CAMKMT: variants seen among roughly 807,000 people sequenced by gnomAD.
The protein encoded by CAMKMT is CaM KMT.
A neutral mutation model predicts 48.0 loss-of-function variants in CAMKMT; 53 were observed. The observed-to-expected ratio is 1.10, with a 90% CI of 0.89 to 1.39. The LOEUF is 1.39. Among genes scored for constraint, CAMKMT ranks in the 40% most tolerant of loss-of-function variants. The pLI, the probability that CAMKMT is intolerant of heterozygous loss-of-function variation, is 0.00. For synonymous variants in CAMKMT, 165 were observed against 152.3 expected (o/e 1.08, Z -0.61); for missense variants, 428 against 402.7 (o/e 1.06, Z -0.54).
intron 3 of CAMKMT, among the ~76,000 whole-genome samples, chr2:44,391,585 T>C (rs1205416231): frequency 6.6e-6 from 1 of 152,150 alleles, no homozygotes; most frequent in East Asian, 1.9e-4. Context: ...CTTAAACATA[T>C]GTAATTTCAG....
At chr2:44,372,029 C>T (rs1679229306) in intron 1 of CAMKMT, among the ~76,000 whole-genome samples, 1 of 152,158 alleles carries the variant, frequency 6.6e-6, no homozygotes, top group African/African-American at 2.4e-5. Context: ...CCTCCCCATT[C>T]CTAGGTAAGC....
intron 3 of CAMKMT, among the ~76,000 whole-genome samples, chr2:44,399,625 GAA>G (rs376930888): frequency 7.2e-6 from 1 of 138,906 alleles, no homozygotes; most frequent in African/African-American, 2.6e-5. Context: ...AAATAATCAA[GAA>G]AAAAAAAAAG....
intron 3 of CAMKMT, among the ~76,000 whole-genome samples, chr2:44,665,414 C>G (rs1198945978): frequency 6.6e-6 from 1 of 152,106 alleles, no homozygotes; most frequent in Non-Finnish European, 1.5e-5. Context: ...GACCTCAGGC[C>G]AGAGTATACT....
intron 3 of CAMKMT, among the ~76,000 whole-genome samples, chr2:44,591,291 A>G (rs1476417818): frequency 6.6e-6 from 1 of 152,156 alleles, no homozygotes; most frequent in East Asian, 1.9e-4. Context: ...TTCTGTGAAG[A>G]AAGTCATTGG....
At chr2:44,588,909 C>T (rs1213519178) in intron 3 of CAMKMT, among the ~76,000 whole-genome samples, 2 of 8,742 alleles carry the variant, frequency 2.3e-4, no homozygotes, top group African/African-American at 1.1e-3. Context: ...CCGCCCCGTC[C>T]GGGAGGGAGG....
chr2:44,529,046 A>G (rs1456837550), intron 3 of CAMKMT, among the ~76,000 whole-genome samples: 1 of 152,178 alleles, frequency 6.6e-6, no homozygotes. Context: ...CTATTTCTAT[A>G]AAGAGAAACT....
chr2:44,666,540 C>T (rs952761942), intron 3 of CAMKMT, among the ~76,000 whole-genome samples: 3 of 151,982 alleles, frequency 2.0e-5, no homozygotes, highest in Non-Finnish European at 4.4e-5. Context: ...GAGAAGCCAC[C>T]ACGTTCTCCA....
chr2:44,765,760 A>G (rs1173645900), intron 9 of CAMKMT, among the ~76,000 whole-genome samples: 1 of 152,066 alleles, frequency 6.6e-6, no homozygotes, highest in Non-Finnish European at 1.5e-5. Flanking sequence ...TCATTATACC[A>G]CTTTCTTTGA....
intron 3 of CAMKMT, among the ~76,000 whole-genome samples, chr2:44,670,785 G>T (rs1675282697): frequency 6.6e-6 from 1 of 152,158 alleles, no homozygotes; most frequent in South Asian, 2.1e-4. Context: ...AAGTCCCTAG[G>T]TTATGCTGCT....
At chr2:44,770,660 T>C (rs1681066499) in intron 10 of CAMKMT, among the ~76,000 whole-genome samples, 1 of 152,038 alleles carries the variant, frequency 6.6e-6, no homozygotes, top group East Asian at 1.9e-4. Flanking sequence ...CAAAAGTATT[T>C]ACAGTGGTAA....
intron 3 of CAMKMT, among the ~76,000 whole-genome samples, chr2:44,549,246 A>G (rs1420429652): frequency 6.6e-6 from 1 of 152,222 alleles, no homozygotes; most frequent in African/African-American, 2.4e-5. Flanking sequence ...TCACCAGTTT[A>G]CCAGCTCTGT....
rs376386819 is a variant in CAMKMT at position 44,419,045 on chromosome 2, G to T, written c.376+28740G>T. ...ACATTTTAATTTCCTGGTTTTTGTT[G>T]CTAGAAATCAGTTATTGAAACAAGG... On this transcript the variant is annotated intron_variant, in intron 3 of 10. Transcript: ENST00000378494. 3.5e-3 allele frequency among the ~76,000 whole-genome samples: 538 copies of T among 151,934 alleles called. 3 individuals are homozygous for T. Among genetic ancestry groups the T allele is most frequent in the African/African-American group, 0.013 (519 of 41,400 alleles).
At chr2:44,711,985 C>T (rs969902155) in intron 6 of CAMKMT, among the ~76,000 whole-genome samples, 2 of 152,060 alleles carry the variant, frequency 1.3e-5, no homozygotes, top group East Asian at 1.9e-4. Context: ...ATTTGGTGAA[C>T]GTCATCTTGC....
chr2:44,721,877 C>T (rs1166524662), intron 7 of CAMKMT, among the ~76,000 whole-genome samples: 1 of 151,978 alleles, frequency 6.6e-6, no homozygotes, highest in East Asian at 1.9e-4. Flanking sequence ...GAAGGGGAGG[C>T]CCTCATACTC....
intron 3 of CAMKMT, among the ~76,000 whole-genome samples, chr2:44,589,289 C>A (rs1341993103): frequency 2.0e-5 from 1 of 50,912 alleles, no homozygotes; most frequent in East Asian, 3.1e-4. Context: ...CCTGGCCAGC[C>A]GCCCCATCCG....
chr2:44,543,175 G>T (rs1667223802), intron 3 of CAMKMT, among the ~76,000 whole-genome samples: 1 of 152,116 alleles, frequency 6.6e-6, no homozygotes, highest in Non-Finnish European at 1.5e-5. Flanking sequence ...CAATTAAAGA[G>T]AAATCTCATT....
At chr2:44,626,619 C>T (rs546818648) in intron 3 of CAMKMT, among the ~76,000 whole-genome samples, 40 of 152,228 alleles carry the variant, frequency 2.6e-4, no homozygotes, top group Non-Finnish European at 4.6e-4. Context: ...TATCCTCACA[C>T]GGTAGAAGGG....
At chr2:44,768,413 G>T (rs865983947) in intron 10 of CAMKMT, among the ~76,000 whole-genome samples, 4 of 145,564 alleles carry the variant, frequency 2.7e-5, no homozygotes, top group African/African-American at 1.0e-4. Context: ...GTGGGGTTCT[G>T]CTTCTAGCAA....
intron 3 of CAMKMT, among the ~76,000 whole-genome samples, chr2:44,468,608 C>G (rs1449087331): frequency 6.6e-6 from 1 of 152,128 alleles, no homozygotes; most frequent in East Asian, 1.9e-4. Flanking sequence ...CTGTGTTCAT[C>G]TAGAGATGGA....
Sources: gnomAD v4.1 joint callset for allele counts (sites outside exome capture counted in the v4.1 genomes callset) on GRCh38, gnomAD v4.1.1 for gene constraint, MANE v1.5 for transcripts, NCBI Gene and HGNC (gene_info 2026-07-23, HGNC 2026-07-21) for gene names.